Variants in CDIN1 observed in about 807,000 individuals in gnomAD.
CDIN1 encodes the protein CDAN1 interacting nuclease 1.
A neutral mutation model predicts 45.3 loss-of-function variants in CDIN1; 33 were observed. That is an observed-to-expected ratio of 0.73 (90% CI 0.55 to 0.97). The LOEUF (loss-of-function observed/expected upper bound fraction) is 0.97, where lower values mean the gene tolerates loss of function less well. Among genes scored for constraint, CDIN1 ranks in the 50% least tolerant of loss-of-function variants. The pLI is 0.00. For missense variants in CDIN1, 303 were observed against 339.4 expected, an observed-to-expected ratio of 0.89 and a Z score of 0.84; for synonymous variants, 118 against 124.4, an observed-to-expected ratio of 0.95 and a Z score of 0.34.
chr15:36,638,825 G>A (rs936348203), intron 1 of CDIN1, among the ~76,000 whole-genome samples: 4 of 152,206 alleles, frequency 2.6e-5, no homozygotes, highest in Non-Finnish European at 5.9e-5. Context: ...GTTGTTTGGA[G>A]TATAATGTCA....
intron 8 of CDIN1, among the ~76,000 whole-genome samples, chr15:36,699,692 A>G (rs1243365911): frequency 6.6e-6 from 1 of 152,182 alleles, no homozygotes; most frequent in Non-Finnish European, 1.5e-5. Context: ...TATAAAATGC[A>G]TATTTTATCT....
chr15:36,608,593 T>G (rs948946804), intron 1 of CDIN1, among the ~76,000 whole-genome samples: 5 of 152,136 alleles, frequency 3.3e-5, no homozygotes, highest in African/African-American at 1.2e-4. Flanking sequence ...TTGCAAGTAT[T>G]TTTTTCTAGT....
At chr15:36,652,671 C>T (rs1225012147) in intron 3 of CDIN1, among the ~76,000 whole-genome samples, 5 of 152,082 alleles carry the variant, frequency 3.3e-5, no homozygotes, top group African/African-American at 4.8e-5. Flanking sequence ...TCAAGGGTGG[C>T]CCCAATATGT....
chr15:36,709,668 TA>T (rs2042986538), intron 9 of CDIN1, among the ~76,000 whole-genome samples, 187 bp from the exon 10 acceptor site: 1 of 152,124 alleles, frequency 6.6e-6, no homozygotes, highest in African/African-American at 2.4e-5. Context: ...ATCAAAGGGA[TA>T]TGATTGTCAC....
At chr15:36,725,272 C>T (rs571900781) in intron 10 of CDIN1, among the ~76,000 whole-genome samples, 1 of 151,130 alleles carries the variant, frequency 6.6e-6, no homozygotes, top group East Asian at 1.9e-4. Context: ...AATATTAAAT[C>T]ATTTAAATAG....
At chr15:36,702,174 A>G in intron 8 of CDIN1, 2 of 700,462 alleles carry the variant, frequency 2.9e-6, no homozygotes, top group South Asian at 1.5e-5. Context: ...GGAATCCACC[A>G]TTTAAATTCT....
At chr15:36,776,310 G>A (rs2054215697) in intron 10 of CDIN1, among the ~76,000 whole-genome samples, 2 of 152,176 alleles carry the variant, frequency 1.3e-5, no homozygotes, top group South Asian at 4.1e-4. Context: ...ACATGGTGGT[G>A]ATAGAATCAT....
At chr15:36,702,891 C>T (rs777369416) in intron 8 of CDIN1, among the ~76,000 whole-genome samples, 6 of 151,850 alleles carry the variant, frequency 4.0e-5, no homozygotes, top group Non-Finnish European at 8.8e-5. Context: ...CAGTGATTCT[C>T]TTTTGCCACA....
intron 1 of CDIN1, chr15:36,617,064 A>G: frequency 3.9e-6 from 3 of 774,050 alleles, no homozygotes; most frequent in Non-Finnish European, 7.2e-6. Flanking sequence ...AGCTGTGGGA[A>G]CGATTGGGCC....
chr15:36,713,839 C>T (rs539449446), intron 10 of CDIN1, among the ~76,000 whole-genome samples: 3 of 152,282 alleles, frequency 2.0e-5, no homozygotes, highest in Non-Finnish European at 2.9e-5. Context: ...GGGTTTGATG[C>T]GCCTCCTGCG....
At chr15:36,592,822 A>G (rs1272194495) in intron 1 of CDIN1, among the ~76,000 whole-genome samples, 1 of 152,102 alleles carries the variant, frequency 6.6e-6, no homozygotes, top group African/African-American at 2.4e-5. Context: ...AAAATTGATT[A>G]ATTAGCTAAG....
At chr15:36,708,944 T>G (rs1372057991) in intron 8 of CDIN1, 1 of 263,398 alleles carries the variant, frequency 3.8e-6, no homozygotes, top group Non-Finnish European at 7.1e-6. Context: ...TTTTGAGTAC[T>G]TTCAATTACA....
chr15:36,796,488 TC>T (rs1445026975), intron 10 of CDIN1, among the ~76,000 whole-genome samples: 10 of 152,034 alleles, frequency 6.6e-5, no homozygotes, highest in African/African-American at 2.4e-4. Context: ...TCACAAAACC[TC>T]AAGAATGACA....
chr15:36,704,566 G>C (rs1283961041), intron 8 of CDIN1: 1 of 129,994 alleles, frequency 7.7e-6, no homozygotes, highest in East Asian at 2.2e-4. Context: ...GTGATACAGT[G>C]TTTTGAAAAA....
intron 10 of CDIN1, among the ~76,000 whole-genome samples, chr15:36,792,663 A>T (rs1242540583): frequency 6.6e-6 from 1 of 152,152 alleles, no homozygotes. Flanking sequence ...TTTATCCCCA[A>T]ATAAGTGAGC....
chr15:36,703,282 A>T (rs370920060), intron 8 of CDIN1, among the ~76,000 whole-genome samples: 9 of 110,550 alleles, frequency 8.1e-5, no homozygotes, highest in East Asian at 2.8e-4. Flanking sequence ...TAGATCTATC[A>T]GATATATACA....
chr15:36,746,558 T>A (rs4430702), intron 10 of CDIN1, among the ~76,000 whole-genome samples: 1 of 152,024 alleles, frequency 6.6e-6, no homozygotes, highest in Non-Finnish European at 1.5e-5. Flanking sequence ...TGAGTTCTGG[T>A]GTGCTATGTT....
intron 5 of CDIN1, among the ~76,000 whole-genome samples, chr15:36,671,738 T>C (rs969184546): frequency 1.3e-5 from 2 of 152,120 alleles, no homozygotes; most frequent in African/African-American, 4.8e-5. Context: ...TTTGAAAGAT[T>C]TTATTGTTAA....
chr15:36,664,684 T>C lies in CDIN1; in HGVS notation c.346+6779T>C, dbSNP rs191390826. On this transcript the variant is annotated intron_variant, in intron 5 of 10. Transcript: ENST00000566621. ...GCCTCAGCCTCCCAAGTAGCTGGGA[T>C]TACAGGCGCCCACCACCACGCTTGG... Among the ~76,000 whole-genome samples the C allele has an allele frequency of 5.4e-3, 817 of 152,114 alleles. 4 individuals carry two copies. The highest frequency in any genetic ancestry group is 8.9e-3 in the Non-Finnish European group (603 of 67,970).
Sources: allele counts gnomAD v4.1 joint callset (sites outside exome capture counted in the v4.1 genomes callset), GRCh38; gene constraint gnomAD v4.1.1; transcripts MANE v1.5; gene names NCBI Gene and HGNC (gene_info 2026-07-23, HGNC 2026-07-21).